Variants in GRM7 observed in about 807,000 individuals in gnomAD.
The protein encoded by GRM7 is metabotropic glutamate receptor 7.
A neutral mutation model predicts 84.5 loss-of-function variants in GRM7; 35 were observed. That is an observed-to-expected ratio of 0.41 (90% CI 0.32 to 0.55). GRM7 has a LOEUF of 0.55. Among genes scored for constraint, GRM7 ranks in the 20% least tolerant of loss-of-function variants. The pLI is 0.19. For synonymous variants in GRM7, 487 were observed against 455.1 expected (o/e 1.07, Z -0.89); for missense variants, 1,003 against 1,194.6 (o/e 0.84, Z 2.36).
chr3:7,689,072 C>G (rs1700695475), intron 9 of GRM7, among the ~76,000 whole-genome samples: 1 of 152,150 alleles, frequency 6.6e-6, no homozygotes, highest in Non-Finnish European at 1.5e-5. Flanking sequence ...ATAAAAAGCA[C>G]AATTAATCTG....
intron 1 of GRM7, among the ~76,000 whole-genome samples, chr3:7,128,136 C>A (rs1693463413): frequency 6.6e-6 from 1 of 151,540 alleles, no homozygotes; most frequent in Non-Finnish European, 1.5e-5. Context: ...GGTCCCTTTA[C>A]TTTAAAAAAC....
At chr3:7,282,623 A>G (rs1699293872) in intron 2 of GRM7, among the ~76,000 whole-genome samples, 1 of 152,242 alleles carries the variant, frequency 6.6e-6, no homozygotes, top group Non-Finnish European at 1.5e-5. Context: ...AGGAGTAAGG[A>G]GTGGGCATCA....
At position 7,696,587 on chromosome 3, in the gene GRM7, A is replaced by C. The variant is rs75556677; in HGVS notation, c.2698+16292A>C. ...AGAGGCTTCACCCAACCTTAAACAGAACACTTCCAAGCACTTTTCACTTGG... is the reference window on the plus strand; with the variant it reads ...AGAGGCTTCACCCAACCTTAAACAGCACACTTCCAAGCACTTTTCACTTGG... On this transcript the variant is annotated intron_variant, in intron 9 of 9. Coordinates refer to ENST00000357716, the MANE Select transcript of GRM7 (RefSeq NM_000844.4). Among the ~76,000 whole-genome samples, 434 of 152,328 alleles carry C rather than the reference A, an allele frequency of 2.8e-3. 2 individuals carry two copies. Among genetic ancestry groups the C allele is most frequent in the African/African-American group, 0.01 (416 of 41,580 alleles).
At chr3:7,362,500 T>TC (rs538188134) in intron 4 of GRM7, among the ~76,000 whole-genome samples, 118 of 152,154 alleles carry the variant, frequency 7.8e-4, no homozygotes, top group African/African-American at 2.7e-3. Flanking sequence ...TCTTTTTTTT[T>TC]CCCCACAGCT....
chr3:7,717,961 C>T (rs1701822928), intron 9 of GRM7, among the ~76,000 whole-genome samples: 1 of 152,200 alleles, frequency 6.6e-6, no homozygotes. Flanking sequence ...ACCCTTCTGC[C>T]TTACAATATT....
chr3:7,727,228 T>A (rs991746119), intron 9 of GRM7, among the ~76,000 whole-genome samples: 1 of 152,290 alleles, frequency 6.6e-6, no homozygotes, highest in South Asian at 2.1e-4. Flanking sequence ...TAATCACCCT[T>A]TAATGTTAGG....
At chr3:7,008,856 C>T (rs979262780) in intron 1 of GRM7, among the ~76,000 whole-genome samples, 5 of 152,056 alleles carry the variant, frequency 3.3e-5, no homozygotes, top group Middle Eastern at 3.2e-3. Context: ...GAATTCTGTT[C>T]GTACTGCACA....
chr3:7,301,699 G>T (rs546124545), intron 3 of GRM7, among the ~76,000 whole-genome samples: 12 of 152,068 alleles, frequency 7.9e-5, no homozygotes, highest in African/African-American at 2.9e-4. Flanking sequence ...ATTGTATATT[G>T]TCATTCATAA....
At chr3:7,391,300 G>C (rs981345202) in intron 4 of GRM7, among the ~76,000 whole-genome samples, 1 of 152,092 alleles carries the variant, frequency 6.6e-6, no homozygotes, top group African/African-American at 2.4e-5. Flanking sequence ...CAAAGACTTG[G>C]AACCAACCCA....
chr3:7,107,931 AG>A (rs764109871), intron 1 of GRM7, among the ~76,000 whole-genome samples: 2 of 152,094 alleles, frequency 1.3e-5, no homozygotes, highest in Non-Finnish European at 2.9e-5. Context: ...GAAAAGAGAC[AG>A]GCAGATGTTT....
At chr3:7,414,730 TGGCATAATGGTTGACCTTA>T (rs903731889) in intron 4 of GRM7, among the ~76,000 whole-genome samples, 2 of 152,150 alleles carry the variant, frequency 1.3e-5, no homozygotes, top group African/African-American at 4.8e-5. Context: ...ATGCAGAATG[TGGCATAATGGTTGACCTTA>T]GGCATGTTAC....
intron 5 of GRM7, among the ~76,000 whole-genome samples, chr3:7,444,817 C>T (rs982849145): frequency 6.6e-6 from 1 of 152,062 alleles, no homozygotes; most frequent in African/African-American, 2.4e-5. Context: ...ATGAATAGCC[C>T]CCCAGGAAGC....
rs1478156760 is a variant in GRM7, at chr3:7,509,054, G to A, written c.1515+47332G>A. Among the ~76,000 whole-genome samples, 4 of 152,036 alleles carry A rather than the reference G, an allele frequency of 2.6e-5. No individual in the cohort carries two copies. The East Asian group carries it at 7.7e-4, about 29-fold the overall frequency. On this transcript the variant is annotated intron_variant, in intron 7 of 9. Transcript: ENST00000357716. ...TTCTGAATATTATGGCAAAATCTTG[G>A]GCTGTACTGCTTCATCCCACCCAGG... is the stretch of plus-strand genomic sequence containing the variant.
At chr3:7,732,427 A>G (rs1477359558) in intron 9 of GRM7, among the ~76,000 whole-genome samples, 1 of 152,188 alleles carries the variant, frequency 6.6e-6, no homozygotes, top group Non-Finnish European at 1.5e-5. Flanking sequence ...AGAGGTCATG[A>G]GAGGGTGCAG....
At chr3:7,590,548 C>T (rs565025325) in intron 8 of GRM7, among the ~76,000 whole-genome samples, 59 of 152,232 alleles carry the variant, frequency 3.9e-4, no homozygotes, top group African/African-American at 1.3e-3. Flanking sequence ...TAATCTATTG[C>T]CTTCTTAGCT....
At chr3:7,579,413 G>A in intron 8 of GRM7, 56 bp downstream of exon 8, 4 of 975,914 alleles carry the variant, frequency 4.1e-6, no homozygotes, top group Non-Finnish European at 6.0e-6. Flanking sequence ...ATTTTTGTAA[G>A]TACTGAAACC....
At chr3:7,701,531 C>G (rs954396073) in intron 9 of GRM7, among the ~76,000 whole-genome samples, 2 of 152,058 alleles carry the variant, frequency 1.3e-5, no homozygotes, top group Admixed American at 6.5e-5. Flanking sequence ...TCTCGATCTC[C>G]TGACCTCGTG....
In GRM7 at chr3:7,426,189, G is replaced by T. The variant is rs530999200; in HGVS notation, c.1174+11026G>T. The stretch of plus-strand genomic sequence containing the variant: ...GGCTGGAATGCAATGGTGCGATCTC[G>T]GCTCACCACAACCTCTGTCTCCCGG... On this transcript the variant is annotated intron_variant, in intron 5 of 9. Coordinates refer to ENST00000357716, the MANE Select transcript of GRM7 (RefSeq NM_000844.4). 2.0e-3 allele frequency among the ~76,000 whole-genome samples: 295 copies of T among 151,150 alleles called. 2 individuals carry two copies. The highest frequency in any genetic ancestry group is 6.8e-3 in the African/African-American group (280 of 41,130).
intron 9 of GRM7, among the ~76,000 whole-genome samples, chr3:7,712,868 C>T (rs1559501570): frequency 6.6e-6 from 1 of 152,120 alleles, no homozygotes; most frequent in Non-Finnish European, 1.5e-5. Context: ...GTTCTTTCAG[C>T]TTCTGGCAGC....
Sources: gnomAD v4.1 joint callset for allele counts (sites outside exome capture counted in the v4.1 genomes callset) on GRCh38, gnomAD v4.1.1 for gene constraint, MANE v1.5 for transcripts, NCBI Gene and HGNC (gene_info 2026-07-23, HGNC 2026-07-21) for gene names.